PCDHGA3: variants seen among roughly 807,000 people sequenced by gnomAD.
The protein encoded by PCDHGA3 is protocadherin gamma subfamily A, 3, also known as protocadherin gamma-A3.
PCDHGA3 carries 40 observed loss-of-function variants against 58.5 expected under a neutral mutation model. The ratio of observed to expected loss-of-function variants is 0.68; its 90% CI spans 0.53 to 0.89. The LOEUF is 0.89. Ranked by LOEUF, PCDHGA3 falls within the 40% of genes least tolerant of loss-of-function variation. The pLI is 0.00. For missense variants in PCDHGA3, 1,223 were observed against 1,195.9 expected (o/e 1.02, Z -0.33); for synonymous variants, 530 against 525.7 (o/e 1.01, Z -0.11).
chr5:141,490,151 T>C lies in PCDHGA3; in HGVS notation c.2425-4656T>C, dbSNP rs1449636059. The stretch of plus-strand genomic sequence containing the variant: ...GACCCTAGCAGTGGGGCAATCCATG[T>C]GTTGGGTCCCATAGACTTTGAGGAG... On this transcript the variant is annotated intron_variant, in intron 1 of 3. Transcript: ENST00000253812. The surrounding 1 kb of genome is among the most constrained non-coding windows in gnomAD (Gnocchi z 5.4). 4 of 1,614,210 alleles carry C rather than the reference T, an allele frequency of 2.5e-6. No homozygotes were observed. The highest frequency in any genetic ancestry group is 3.4e-6 in the Non-Finnish European group (4 of 1,180,018).
At chr5:141,388,438 A>C in intron 1 of PCDHGA3, 4 of 1,613,906 alleles carry the variant, frequency 2.5e-6, no homozygotes, top group Non-Finnish European at 3.4e-6. Flanking sequence ...AATAAAGAGA[A>C]ATCAGATGGC....
chr5:141,403,201 C>G (rs1486888915), intron 1 of PCDHGA3: 1 of 1,614,002 alleles, frequency 6.2e-7, no homozygotes, highest in East Asian at 2.2e-5. Context: ...GCAGCGGCAC[C>G]TTGGTCACCG....
chr5:141,401,000 C>T (rs113065470), intron 1 of PCDHGA3, among the ~76,000 whole-genome samples: 2 of 152,218 alleles, frequency 1.3e-5, no homozygotes, highest in Non-Finnish European at 2.9e-5. Flanking sequence ...CTTTCTTATT[C>T]CTACCTAATG....
chr5:141,404,995 T>A (rs1561697585), intron 1 of PCDHGA3: 1 of 1,614,008 alleles, frequency 6.2e-7, no homozygotes, highest in Non-Finnish European at 8.5e-7. Context: ...TTCAGATCCC[T>A]GCAGACCTGG....
At chr5:141,355,363 G>T (rs1284145251) in intron 1 of PCDHGA3, 1 of 1,614,034 alleles carries the variant, frequency 6.2e-7, no homozygotes, top group African/African-American at 1.3e-5. Flanking sequence ...CCTGGGGTTG[G>T]CGCCCCGGGA....
intron 1 of PCDHGA3, chr5:141,390,401 A>G (rs1471626291): frequency 2.3e-6 from 3 of 1,328,496 alleles, no homozygotes; most frequent in Admixed American, 2.3e-5. Flanking sequence ...TCATTTTAGG[A>G]AAGTTGTAGT....
intron 1 of PCDHGA3, among the ~76,000 whole-genome samples, chr5:141,402,769 C>T (rs1404796973): frequency 6.6e-6 from 1 of 152,196 alleles, no homozygotes; most frequent in Non-Finnish European, 1.5e-5. Context: ...GGACTCCATC[C>T]GGATTTCCAG....
intron 1 of PCDHGA3, among the ~76,000 whole-genome samples, chr5:141,467,758 C>CTCAA (rs933308513): frequency 6.6e-5 from 10 of 152,018 alleles, no homozygotes; most frequent in Admixed American, 5.9e-4. Flanking sequence ...GCCTCACATG[C>CTCAA]TCAAGTGCCC....
chr5:141,410,101 C>T, intron 1 of PCDHGA3: 1 of 1,612,490 alleles, frequency 6.2e-7, no homozygotes, highest in African/African-American at 1.3e-5. Flanking sequence ...GAGCCTTAGG[C>T]GACAGGGACG....
chr5:141,476,868 C>T lies in PCDHGA3; in HGVS notation c.2425-17939C>T, dbSNP rs1213404395. On this transcript the variant is annotated intron_variant, in intron 1 of 3. Coordinates refer to ENST00000253812, the MANE Select transcript of PCDHGA3 (RefSeq NM_018916.4). This position sits in a 1 kb window ranked among gnomAD's most constrained non-coding sequence, Gnocchi z 7.6. ...GTCTTCAACCAGTCCTTGTACCGGG[C>T]GCGCGTCCTGGAGGATGCACCCTCC... 3 of 1,613,874 alleles carry T rather than the reference C, an allele frequency of 1.9e-6. No individual in the cohort carries two copies. Among genetic ancestry groups the T allele is most frequent in the Admixed American group, 3.3e-5 (2 of 60,026 alleles).
intron 1 of PCDHGA3, among the ~76,000 whole-genome samples, chr5:141,443,466 A>G (rs1402303157): frequency 6.6e-6 from 1 of 152,184 alleles, no homozygotes; most frequent in East Asian, 1.9e-4. Flanking sequence ...AGTCTGGGTG[A>G]CAGAATTAGA....
chr5:141,444,410 A>G (rs2098435910), intron 1 of PCDHGA3, among the ~76,000 whole-genome samples: 1 of 151,922 alleles, frequency 6.6e-6, no homozygotes, highest in African/African-American at 2.4e-5. Flanking sequence ...ACCTCAGGTG[A>G]TCTTCCCTCC....
At chr5:141,435,024 C>T (rs1263332887) in intron 1 of PCDHGA3, among the ~76,000 whole-genome samples, 3 of 151,970 alleles carry the variant, frequency 2.0e-5, no homozygotes, top group Non-Finnish European at 4.4e-5. Context: ...ATGCTCTTTT[C>T]CCACTTTTAT....
chr5:141,485,821 T>C lies in PCDHGA3; in HGVS notation c.2425-8986T>C, dbSNP rs765768266. 4 of 1,614,134 alleles carry C rather than the reference T, an allele frequency of 2.5e-6. No homozygotes were observed. Among genetic ancestry groups the C allele is most frequent in the Admixed American group, 1.7e-5 (1 of 60,014 alleles). ...ACCGCCTGGTGCTGACTGCTGTCGATGGAGGGAACCCGCCGAGATCTGGCA... is the reference window on the plus strand; with the variant it reads ...ACCGCCTGGTGCTGACTGCTGTCGACGGAGGGAACCCGCCGAGATCTGGCA... On this transcript the variant is annotated intron_variant, in intron 1 of 3. Coordinates refer to ENST00000253812, the MANE Select transcript of PCDHGA3 (RefSeq NM_018916.4). This position sits in a 1 kb window ranked among gnomAD's most constrained non-coding sequence, Gnocchi z 5.7.
intron 1 of PCDHGA3, chr5:141,394,856 G>T (rs1008039711): frequency 1.2e-6 from 2 of 1,613,674 alleles, no homozygotes; most frequent in African/African-American, 2.7e-5. Context: ...TGAAGCCTTC[G>T]GTCGACCCGA....
chr5:141,418,914 T>C (rs1200050684), intron 1 of PCDHGA3: 4 of 1,613,964 alleles, frequency 2.5e-6, no homozygotes, highest in East Asian at 2.2e-5. Context: ...ATCACGTCAC[T>C]CTCTGATCAG....
chr5:141,425,317 C>T (rs78746536), intron 1 of PCDHGA3, among the ~76,000 whole-genome samples: 174 of 152,168 alleles, frequency 1.1e-3, no homozygotes, highest in East Asian at 3.7e-3. Context: ...TTCCCAAGAT[C>T]GTGGAGAACA....
intron 1 of PCDHGA3, chr5:141,394,755 G>A (rs2093086176): frequency 1.2e-6 from 2 of 1,613,434 alleles, no homozygotes; most frequent in Non-Finnish European, 8.5e-7. Context: ...GGCCGTCCAG[G>A]ACCATGGCCA....
intron 1 of PCDHGA3, chr5:141,423,483 A>G (rs767321755): frequency 1.9e-6 from 3 of 1,613,974 alleles, no homozygotes; most frequent in Middle Eastern, 3.3e-4. Flanking sequence ...CTTTCCTGCA[A>G]ACCTATTCCC....
Sources: allele counts gnomAD v4.1 joint callset (sites outside exome capture counted in the v4.1 genomes callset), GRCh38; gene constraint gnomAD v4.1.1; non-coding constraint Gnocchi (gnomAD v3.1); transcripts MANE v1.5; gene names NCBI Gene and HGNC (gene_info 2026-07-23, HGNC 2026-07-21).